NUP188: variants seen among roughly 807,000 people sequenced by gnomAD.
The protein encoded by NUP188 is nucleoporin NUP188.
Under a neutral mutation model 223.0 loss-of-function variants are expected in NUP188, and 97 were observed. The ratio of observed to expected loss-of-function variants is 0.43; its 90% CI spans 0.37 to 0.51. The LOEUF (loss-of-function observed/expected upper bound fraction) is 0.51. Ranked by LOEUF, NUP188 falls within the 20% of genes least tolerant of loss-of-function variation. The pLI is 0.00. For synonymous variants in NUP188, 869 were observed against 828.0 expected, an observed-to-expected ratio of 1.05 and a Z score of -0.85; for missense variants, 1,947 against 2,175.6, an observed-to-expected ratio of 0.89 and a Z score of 2.09.
chr9:128,998,432 C>T, intron 31 of NUP188, 106 bp from the exon 32 acceptor site: 1 of 1,112,216 alleles, frequency 9.0e-7, no homozygotes, highest in South Asian at 1.3e-5. Flanking sequence ...CACTCCACTC[C>T]TGTGAGCTCA....
intron 32 of NUP188, 127 bp from the exon 33 acceptor site, chr9:128,999,045 G>A (rs1032966637): frequency 1.5e-6 from 1 of 687,882 alleles, no homozygotes; most frequent in Non-Finnish European, 2.5e-6. Context: ...TAGAGACAGG[G>A]TTTCACCATG....
At position 129,001,658 on chromosome 9, in the gene NUP188, C is replaced by T. The variant is rs777375709; in HGVS notation, c.3973C>T (p.Arg1325Cys). ...CCTCACCACTCTAGAGGTGAGCCTT[C>T]GCATGAAGCAGAACCTGCATTTCAC... is the stretch of plus-strand genomic sequence containing the variant. ...TLLTTLEVSL[R>C]MKQNLHFTEA... The change falls in exon 35 of 44, where the codon CGC becomes TGC. Residue 1325 changes from arginine (R) to cysteine (C), a missense_variant. By Grantham distance (180) the Arg-to-Cys change is radical. Around this residue, in one of 3 missense-constraint regions of NUP188, gnomAD observed 905 missense variants for 990.6 expected, o/e 0.91. Coordinates refer to ENST00000372577, the MANE Select transcript of NUP188 (RefSeq NM_015354.3). The T allele has an allele frequency of 8.1e-6, 13 of 1,613,908 alleles. No homozygotes were observed. In the Admixed American group the frequency reaches 1.5e-4, roughly 19 times the overall value.
chr9:128,987,440 A>G (rs1205944710), intron 22 of NUP188, 149 bp from the exon 23 acceptor site: 4 of 624,950 alleles, frequency 6.4e-6, no homozygotes, highest in African/African-American at 1.9e-5. Context: ...CTGTTTCAGG[A>G]AAGTGATCAG....
At chr9:129,001,038 A>C (rs1298674745) in intron 34 of NUP188, among the ~76,000 whole-genome samples, 4 of 152,086 alleles carry the variant, frequency 2.6e-5, no homozygotes, top group Non-Finnish European at 5.9e-5. Context: ...CTCCATCTCA[A>C]AAAAAATGTC....
intron 36 of NUP188, among the ~76,000 whole-genome samples, 184 bp from the exon 37 acceptor site, chr9:129,002,633 C>G (rs1842691652): frequency 6.6e-6 from 1 of 152,242 alleles, no homozygotes; most frequent in Non-Finnish European, 1.5e-5. Flanking sequence ...GTGTCTCAGC[C>G]TGGTGCTCTT....
At position 128,987,818 on chromosome 9, in the gene NUP188, A is replaced by G. The variant is rs1474222349; in HGVS notation, c.2393+101A>G. 4.1e-6 allele frequency: 6 copies of G among 1,463,964 alleles called. No homozygotes were observed. The Admixed American group carries it at 7.6e-5, about 19-fold the overall frequency. The allele number at this position is 1,463,964 out of a possible 1,614,324, so 90.7% of individuals were successfully genotyped here. ...AACTTGCAGTAGCTTTTAGAAGACGACATTGTTCTTCCTAGGACATAGCCT... is the reference window on the plus strand; with the variant it reads ...AACTTGCAGTAGCTTTTAGAAGACGGCATTGTTCTTCCTAGGACATAGCCT... On this transcript the variant is annotated intron_variant, in intron 23 of 43. Transcript: ENST00000372577.
rs956759518 is a variant in NUP188 at position 128,960,059 on chromosome 9, C to CTTTTTTTTTTTTTT, written c.585+934_585+947dup. Among the ~76,000 whole-genome samples, 37 of 103,768 alleles carry CTTTTTTTTTTTTTT rather than the reference C, an allele frequency of 3.6e-4. 1 individual carries two copies. The highest frequency in any genetic ancestry group is 4.9e-4 in the Admixed American group (5 of 10,150). 68.1% of individuals were successfully genotyped at this position (103,768 alleles called of 152,430 possible). A position where few individuals can be genotyped will look rare whatever the true frequency, so the allele number is the denominator to read the frequency against. On this transcript the variant is annotated intron_variant, in intron 8 of 43. Coordinates refer to ENST00000372577, the MANE Select transcript of NUP188 (RefSeq NM_015354.3). ...GTAACACTAGTCTGATTATTTTATT[C>CTTTTTTTTTTTTTT]TTTTTTTTTTTTTTTTTTTTTTGAG...
At position 128,949,212 on chromosome 9, in the gene NUP188, T is replaced by C. The variant is rs765872012; in HGVS notation, c.56T>C (p.Ile19Thr). The C allele has an allele frequency of 3.7e-6, 6 of 1,613,578 alleles. No individual in the cohort carries two copies. The East Asian group carries it at 1.3e-4, about 36-fold the overall frequency. The change falls in exon 2 of 44, where the codon ATT becomes ACT. Residue 19 changes from isoleucine (I) to threonine (T), a missense_variant. Ile to Thr is a moderately conservative substitution (Grantham distance 89, BLOSUM62 -1). This residue lies in a region of NUP188 where 817 missense variants were observed against 865.8 expected (regional missense o/e 0.94). Transcript: ENST00000372577. The stretch of plus-strand genomic sequence containing the variant: ...AGGAGCAGTAGAGAACTGTGGACTA[T>C]TCTGCTTGGAAGGTCAGCTCTGAGA... ...CVRSSRELWTILLGRSALREL... is the reference protein window; with the variant it reads ...CVRSSRELWTTLLGRSALREL...
At chr9:128,983,707 G>A (rs1227840085) in intron 19 of NUP188, among the ~76,000 whole-genome samples, 157 bp downstream of exon 19, 1 of 152,146 alleles carries the variant, frequency 6.6e-6, no homozygotes, top group Non-Finnish European at 1.5e-5. Context: ...GTGCAGTGGT[G>A]CAGCCTCCGC....
Position 128,990,245 on chromosome 9 carries a change from C to T in NUP188, c.2640+19C>T. ...GGCCACGGTAGGATCGTACTTCATG[C>T]ACACACACTGTTTATATGAGGGTGT... is the stretch of plus-strand genomic sequence containing the variant. On this transcript the variant is annotated intron_variant, in intron 25 of 43. Transcript: ENST00000372577. The T allele has an allele frequency of 6.4e-7, 1 of 1,565,170 alleles. No individual in the cohort carries two copies. The highest frequency in any genetic ancestry group is 8.8e-7 in the Non-Finnish European group (1 of 1,136,018).
At chr9:128,995,236 T>C (rs749992550) in intron 29 of NUP188, 83 bp from the exon 30 acceptor site, 1 of 1,182,288 alleles carries the variant, frequency 8.5e-7, no homozygotes, top group Non-Finnish European at 1.2e-6. Context: ...AAGGTCGTTT[T>C]CTCTGCCTCA....
chr9:128,950,357 A>T (rs970393488), intron 2 of NUP188, among the ~76,000 whole-genome samples: 1 of 151,884 alleles, frequency 6.6e-6, no homozygotes, highest in African/African-American at 2.4e-5. Context: ...GGAGCTGGGG[A>T]TTACAGATGC....
chr9:129,002,058 C>A, intron 36 of NUP188, 82 bp downstream of exon 36: 1 of 1,141,990 alleles, frequency 8.8e-7, no homozygotes, highest in Non-Finnish European at 1.3e-6. Flanking sequence ...TACCTTTCCC[C>A]GGAAGTTGCT....
intron 24 of NUP188, 77 bp downstream of exon 24, chr9:128,988,263 G>C: frequency 6.6e-7 from 1 of 1,524,104 alleles, no homozygotes; most frequent in Non-Finnish European, 9.0e-7. Flanking sequence ...ACGTATCTTA[G>C]GCAGTGTTTT....
intron 12 of NUP188, among the ~76,000 whole-genome samples, chr9:128,977,663 G>A (rs536740256): frequency 2.1e-4 from 32 of 152,194 alleles, no homozygotes; most frequent in African/African-American, 7.2e-4. Context: ...GCTGGGCGTG[G>A]TGGTGGGCAC....
chr9:128,968,461 A>G (rs753024815), intron 8 of NUP188, 45 bp from the exon 9 acceptor site: 15 of 1,453,168 alleles, frequency 1.0e-5, no homozygotes, highest in Non-Finnish European at 1.3e-5. Flanking sequence ...ACTGTTTTTA[A>G]TCTCATGTTA....
At position 128,969,487 on chromosome 9, in the gene NUP188, G is replaced by C; in HGVS notation, c.885G>C (p.Gln295His). The C allele has an allele frequency of 6.3e-7, 1 of 1,586,832 alleles. No homozygotes were observed. Among genetic ancestry groups the C allele is most frequent in the Non-Finnish European group, 8.5e-7 (1 of 1,170,444 alleles). Residue 295 changes from glutamine to histidine, a missense_variant, in exon 10 of 44, where the codon CAG becomes CAC. Around this residue, in one of 3 missense-constraint regions of NUP188, gnomAD observed 817 missense variants for 865.8 expected, o/e 0.94. Transcript: ENST00000372577. The stretch of plus-strand genomic sequence containing the variant: ...TGGATGACAGAAGAGAACTGCATCA[G>C]TTTGCGCAGGATGGGCTTATTTGTC... ...CALDDRRELH[Q>H]FAQDGLICQD...
rs775415731 is a variant in NUP188, at chr9:128,986,528, C to T, written c.2077-30C>T. Reference sequence around the variant, plus strand: ...ACTAAATGACTTTTCCTTAAATGTGCGGAAGTCCTCACTGCATGGTTTCTT... The same window carrying T: ...ACTAAATGACTTTTCCTTAAATGTGTGGAAGTCCTCACTGCATGGTTTCTT... On this transcript the variant is annotated intron_variant, in intron 20 of 43. Coordinates refer to ENST00000372577, the MANE Select transcript of NUP188 (RefSeq NM_015354.3). 9 of 1,603,048 alleles carry T rather than the reference C, an allele frequency of 5.6e-6. No homozygotes were observed. In the South Asian group the frequency reaches 6.7e-5, roughly 12 times the overall value.
chr9:129,006,879 C>A lies in NUP188; in HGVS notation c.*201C>A, dbSNP rs755132778. On this transcript the variant is annotated 3_prime_UTR_variant, in exon 44 of 44. Coordinates refer to ENST00000372577, the MANE Select transcript of NUP188 (RefSeq NM_015354.3). The stretch of plus-strand genomic sequence containing the variant: ...GAGGTCAACAGCAGGCATGGGGAGC[C>A]GAGTCTTCTGTGCTCAGGTCCTCAC... 4.7e-5 allele frequency: 24 copies of A among 512,050 alleles called. No individual in the cohort carries two copies. The highest frequency in any genetic ancestry group is 7.4e-5 in the Non-Finnish European group (22 of 296,880). 31.7% of individuals were successfully genotyped at this position (512,050 alleles called of 1,614,324 possible).
Sources: gnomAD v4.1 joint callset for allele counts (sites outside exome capture counted in the v4.1 genomes callset) on GRCh38, gnomAD v4.1.1 for gene constraint, gnomAD v4.1.1 regional missense constraint, MANE v1.5 for transcripts, NCBI Gene and HGNC (gene_info 2026-07-23, HGNC 2026-07-21) for gene names.